Variants in IKZF5 observed in about 807,000 individuals in gnomAD.
The protein encoded by IKZF5 is IKAROS family zinc finger 5, also known as zinc finger protein Pegasus.
In IKZF5, 4 loss-of-function variants were observed where a neutral mutation model predicts 30.7. The ratio of observed to expected loss-of-function variants is 0.13; its 90% CI spans 0.06 to 0.30. The LOEUF is 0.30. Ranked by LOEUF, IKZF5 falls within the 10% of genes least tolerant of loss-of-function variation. The pLI is 1.00. For missense variants in IKZF5, 348 were observed against 525.5 expected (o/e 0.66, Z 3.30); for synonymous variants, 148 against 179.6 (o/e 0.82, Z 1.41).
rs1849245123 is a variant in IKZF5 at position 122,993,649 on chromosome 10, A to T, written c.*131T>A. ...AAGGGGAAATTTTATTCCACTGACA[A>T]ATTTATATTCTATAAATATAATGTA... On this transcript the variant is annotated 3_prime_UTR_variant, in exon 5 of 5. Coordinates refer to ENST00000368886, the MANE Select transcript of IKZF5 (RefSeq NM_001372123.1). The T allele has an allele frequency of 3.6e-6, 2 of 556,374 alleles. No homozygotes were observed. Among genetic ancestry groups the T allele is most frequent in the Non-Finnish European group, 6.0e-6 (2 of 332,762 alleles). The allele number at this position is 556,374 out of a possible 1,614,324, so 34.5% of individuals were successfully genotyped here.
chr10:123,004,835 T>C (rs1301357539), intron 2 of IKZF5, among the ~76,000 whole-genome samples: 1 of 152,174 alleles, frequency 6.6e-6, no homozygotes, highest in Admixed American at 6.5e-5. Flanking sequence ...CATATATCCA[T>C]ATACACAGGG....
chr10:122,998,686 C>T lies in IKZF5; in HGVS notation c.-46-15G>A. The stretch of plus-strand genomic sequence containing the variant: ...AGAAAACAAAACTGAAACAATTTTA[C>T]ACTATTTAGGGAGATCTAGTACATA... On this transcript the variant is annotated splice_polypyrimidine_tract_variant and intron_variant, in intron 2 of 4. Coordinates refer to ENST00000368886, the MANE Select transcript of IKZF5 (RefSeq NM_001372123.1). 6 of 1,480,224 alleles carry T rather than the reference C, an allele frequency of 4.1e-6. No homozygotes were observed. The highest frequency in any genetic ancestry group is 1.2e-5 in the South Asian group (1 of 85,110). 91.7% of individuals were successfully genotyped at this position (1,480,224 alleles called of 1,614,324 possible).
intron 2 of IKZF5, among the ~76,000 whole-genome samples, 174 bp downstream of exon 2, chr10:123,006,852 C>T (rs962854490): frequency 6.6e-6 from 1 of 152,154 alleles, no homozygotes; most frequent in Non-Finnish European, 1.5e-5. Flanking sequence ...TATGGAGTAA[C>T]ATGGGCCTTC....
Position 122,994,931 on chromosome 10 carries a change from A to C in IKZF5, c.317-208T>G, listed in dbSNP as rs994004475. The C allele has an allele frequency of 3.6e-6, 2 of 558,754 alleles. No homozygotes were observed. Among genetic ancestry groups the C allele is most frequent in the African/African-American group, 3.8e-5 (2 of 52,920 alleles). The allele number at this position is 558,754 out of a possible 1,614,324, so 34.6% of individuals were successfully genotyped here. On this transcript the variant is annotated intron_variant, in intron 4 of 4. Coordinates refer to ENST00000368886, the MANE Select transcript of IKZF5 (RefSeq NM_001372123.1). The surrounding 1 kb of genome is among the most constrained non-coding windows in gnomAD (Gnocchi z 5.6). ...AAGAACTCATCAGCAACAACCTGAA[A>C]TATGCATTGATGTTGTATTAGTCAA... is the stretch of plus-strand genomic sequence containing the variant.
At chr10:123,006,507 A>G (rs1243091925) in intron 2 of IKZF5, among the ~76,000 whole-genome samples, 1 of 152,224 alleles carries the variant, frequency 6.6e-6, no homozygotes, top group Non-Finnish European at 1.5e-5. Context: ...CAACCAGAGA[A>G]GAAGCTCTCT....
At position 122,992,807 on chromosome 10, in the gene IKZF5, C is replaced by T. The variant is rs1345243852; in HGVS notation, c.*973G>A. 2.6e-5 allele frequency: 4 copies of T among 152,660 alleles called. No homozygotes were observed. Among genetic ancestry groups the T allele is most frequent in the Middle Eastern group, 3.4e-3 (1 of 294 alleles). 9.5% of individuals were successfully genotyped at this position (152,660 alleles called of 1,614,324 possible). On this transcript the variant is annotated 3_prime_UTR_variant, in exon 5 of 5. Coordinates refer to ENST00000368886, the MANE Select transcript of IKZF5 (RefSeq NM_001372123.1). ...GTTCTCAGTTTTGTAAATATGACTT[C>T]ACTATCACATTCTCTCATGTGTTTC...
intron 4 of IKZF5, among the ~76,000 whole-genome samples, chr10:122,995,602 C>T (rs1299492530): frequency 6.6e-6 from 1 of 152,180 alleles, no homozygotes; most frequent in Non-Finnish European, 1.5e-5. Context: ...CTGGGATTAG[C>T]AGTACCATCT....
In IKZF5 at chr10:122,992,759, A is replaced by G. The variant is rs1020652696; in HGVS notation, c.*1021T>C. The G allele has an allele frequency of 6.6e-6, 1 of 152,396 alleles. No homozygotes were observed. The highest frequency in any genetic ancestry group is 2.4e-5 in the African/African-American group (1 of 41,456). The allele number at this position is 152,396 out of a possible 1,614,324, so 9.4% of individuals were successfully genotyped here. ...TTTTAAATGGCTAATTCTGAAGAGG[A>G]GACAAGAATCCATTTTGGACATGTT... On this transcript the variant is annotated 3_prime_UTR_variant, in exon 5 of 5. Coordinates refer to ENST00000368886, the MANE Select transcript of IKZF5 (RefSeq NM_001372123.1).
In IKZF5 at chr10:122,993,995, T is replaced by C. The variant is rs748397909; in HGVS notation, c.1045A>G (p.Ser349Gly). ...STPSIGNSQP[S>G]TPAPALPVQD... ...ACCGGCAGGGCTGGGGCTGGGGTGC[T>C]TGGCTGGCTGTTTCCTATGCTGGGA... The change falls in exon 5 of 5, where the codon AGC (serine) becomes GGC (glycine). Residue 349 changes from serine (S) to glycine (G), a missense_variant. By Grantham distance (56) the Ser-to-Gly change is moderately conservative. Coordinates refer to ENST00000368886, the MANE Select transcript of IKZF5 (RefSeq NM_001372123.1). 8 of 1,614,126 alleles carry C rather than the reference T, an allele frequency of 5.0e-6. No individual in the cohort carries two copies. The highest frequency in any genetic ancestry group is 2.2e-5 in the East Asian group (1 of 44,870).
rs147511781 is a variant in IKZF5, at chr10:123,000,065, C to A, written c.-46-1394G>T. On this transcript the variant is annotated intron_variant, in intron 2 of 4. Coordinates refer to ENST00000368886, the MANE Select transcript of IKZF5 (RefSeq NM_001372123.1). ...ACTCACTTTCAGCATATATGCTTAACTTTTTGTTGAAGTCTTGTACATATA... is the reference window on the plus strand; with the variant it reads ...ACTCACTTTCAGCATATATGCTTAAATTTTTGTTGAAGTCTTGTACATATA... 1.5e-3 allele frequency among the ~76,000 whole-genome samples: 236 copies of A among 152,284 alleles called. 2 individuals carry two copies. The highest frequency in any genetic ancestry group is 5.5e-3 in the African/African-American group (227 of 41,540).
intron 4 of IKZF5, among the ~76,000 whole-genome samples, chr10:122,995,520 G>A (rs1324812877): frequency 6.6e-6 from 1 of 152,178 alleles, no homozygotes; most frequent in African/African-American, 2.4e-5. Context: ...CAGGAAGGAC[G>A]TCTGACCTGG....
At chr10:123,004,453 A>G (rs1849710141) in intron 2 of IKZF5, among the ~76,000 whole-genome samples, 1 of 152,128 alleles carries the variant, frequency 6.6e-6, no homozygotes, top group Non-Finnish European at 1.5e-5. Context: ...CAAGCAGAAG[A>G]AAATGATATT....
At chr10:123,001,757 C>T (rs540585379) in intron 2 of IKZF5, among the ~76,000 whole-genome samples, 6 of 152,236 alleles carry the variant, frequency 3.9e-5, no homozygotes, top group Middle Eastern at 3.4e-3. Flanking sequence ...TTTAAGTCCC[C>T]CTGCTTTGTT....
At chr10:123,002,786 T>TAAAAAA (rs371495279) in intron 2 of IKZF5, among the ~76,000 whole-genome samples, 2 of 117,084 alleles carry the variant, frequency 1.7e-5, no homozygotes, top group Admixed American at 1.8e-4. Context: ...AGACTCCGTC[T>TAAAAAA]AAAAAAAAAA....
At chr10:123,002,650 C>A (rs1480285180) in intron 2 of IKZF5, among the ~76,000 whole-genome samples, 1 of 151,830 alleles carries the variant, frequency 6.6e-6, no homozygotes, top group Non-Finnish European at 1.5e-5. Context: ...TGGTGAAACC[C>A]CGTCTCTACT....
At chr10:122,998,262 AT>A in intron 3 of IKZF5, 1 of 366,836 alleles carries the variant, frequency 2.7e-6, no homozygotes, top group Non-Finnish European at 4.9e-6. Context: ...CAGGAAGGGT[AT>A]TTGGAGCCCC....
At chr10:123,003,053 G>C (rs554733478) in intron 2 of IKZF5, among the ~76,000 whole-genome samples, 1 of 148,870 alleles carries the variant, frequency 6.7e-6, no homozygotes, top group African/African-American at 2.5e-5. Context: ...TTTTTGAGAC[G>C]GAGTTTCGTT....
At chr10:123,006,775 T>C (rs958408565) in intron 2 of IKZF5, among the ~76,000 whole-genome samples, 3 of 152,202 alleles carry the variant, frequency 2.0e-5, no homozygotes, top group Non-Finnish European at 4.4e-5. Context: ...ATAATTATGG[T>C]CACTGAGATT....
intron 3 of IKZF5, 111 bp downstream of exon 3, chr10:122,998,382 A>G: frequency 1.1e-6 from 1 of 925,824 alleles, no homozygotes; most frequent in Non-Finnish European, 1.6e-6. Context: ...TCTTTCTAGA[A>G]AAAACAGAAT....
Sources: allele counts gnomAD v4.1 joint callset (sites outside exome capture counted in the v4.1 genomes callset), GRCh38; gene constraint gnomAD v4.1.1; non-coding constraint Gnocchi (gnomAD v3.1); transcripts MANE v1.5; gene names NCBI Gene and HGNC (gene_info 2026-07-23, HGNC 2026-07-21).